The following ALPK1 variants were observed in gnomAD, a reference collection of about 807,000 sequenced individuals.
ALPK1 encodes alpha kinase 1, also known as alpha-protein kinase 1.
In ALPK1, 110 loss-of-function variants were observed where a neutral mutation model predicts 120.6. The ratio of observed to expected loss-of-function variants is 0.91; its 90% CI spans 0.78 to 1.07. ALPK1 has a LOEUF of 1.07. ALPK1 is among the 50% of genes least tolerant of loss of function. The pLI is 0.00. For missense variants in ALPK1, 1,498 were observed against 1,483.9 expected (o/e 1.01, Z -0.16); for synonymous variants, 582 against 560.3 (o/e 1.04, Z -0.55).
At chr4:112,344,650 A>T (rs1257647964) in intron 2 of ALPK1, among the ~76,000 whole-genome samples, 1 of 152,224 alleles carries the variant, frequency 6.6e-6, no homozygotes, top group Non-Finnish European at 1.5e-5. Flanking sequence ...TTTTAAAAGC[A>T]TTCATGGGGT....
intron 4 of ALPK1, among the ~76,000 whole-genome samples, chr4:112,400,734 T>A (rs964174386): frequency 6.6e-6 from 1 of 152,046 alleles, no homozygotes; most frequent in Admixed American, 6.6e-5. Context: ...ATAAAACAGA[T>A]AGGAGAATGT....
At chr4:112,428,998 C>CTTTTT (rs1560684562) in intron 9 of ALPK1, 151 bp from the exon 10 acceptor site, 4 of 706,242 alleles carry the variant, frequency 5.7e-6, no homozygotes, top group Non-Finnish European at 1.0e-5. Context: ...GGTCTTTAGA[C>CTTTTT]CCACTTACTC....
At chr4:112,440,873 T>C (rs575615844) in intron 14 of ALPK1, 44 bp from the exon 15 acceptor site, 26 of 1,557,748 alleles carry the variant, frequency 1.7e-5, no homozygotes, top group Admixed American at 1.3e-4. Flanking sequence ...TTGATGGACA[T>C]TTACAGGGAA....
intron 2 of ALPK1, among the ~76,000 whole-genome samples, chr4:112,372,314 T>C (rs998351170): frequency 6.6e-6 from 1 of 151,778 alleles, no homozygotes; most frequent in African/African-American, 2.4e-5. Flanking sequence ...CCCAGGTTCA[T>C]GCCATTCTCC....
chr4:112,435,960 T>C (rs1734773212), intron 12 of ALPK1, among the ~76,000 whole-genome samples: 1 of 152,266 alleles, frequency 6.6e-6, no homozygotes, highest in Non-Finnish European at 1.5e-5. Context: ...CCTTAGTTCT[T>C]AATAAAAATT....
intron 2 of ALPK1, among the ~76,000 whole-genome samples, chr4:112,351,191 C>T (rs964625421): frequency 2.0e-5 from 3 of 152,028 alleles, no homozygotes; most frequent in African/African-American, 4.8e-5. Context: ...TTCTTCAGGC[C>T]GGGAGGTAAC....
intron 4 of ALPK1, among the ~76,000 whole-genome samples, chr4:112,402,628 G>A (rs188593933): frequency 7.2e-5 from 11 of 152,262 alleles, no homozygotes; most frequent in Admixed American, 6.5e-4. Context: ...GTGTCTATGC[G>A]TGTGTCTGTG....
chr4:112,356,161 G>A lies in ALPK1; in HGVS notation c.-100-21517G>A, dbSNP rs1365061255. The A allele has an allele frequency of 8.7e-6, 14 of 1,607,032 alleles. No homozygotes were observed. The Admixed American group carries it at 1.8e-4, about 21-fold the overall frequency. On this transcript the variant is annotated intron_variant, in intron 2 of 15. Coordinates refer to ENST00000650871, the MANE Select transcript of ALPK1 (RefSeq NM_025144.4). ...TGCCCAAGATAGTCCTGAATGGTGT[G>A]ACCGTAGACTTCCCTTCCCAGCCCT...
At chr4:112,423,862 TCA>T in intron 5 of ALPK1, 80 bp from the exon 6 acceptor site, 1 of 1,339,138 alleles carries the variant, frequency 7.5e-7, no homozygotes. Flanking sequence ...CTGCAATATA[TCA>T]GTCTTAGAAC....
intron 1 of ALPK1, among the ~76,000 whole-genome samples, chr4:112,301,364 T>C (rs979688855): frequency 3.3e-5 from 5 of 152,188 alleles, no homozygotes; most frequent in Non-Finnish European, 5.9e-5. Context: ...ACCTACCCTC[T>C]TCCTTGGGAC....
chr4:112,344,287 C>T (rs575700403), intron 2 of ALPK1, among the ~76,000 whole-genome samples: 3 of 152,310 alleles, frequency 2.0e-5, no homozygotes, highest in Admixed American at 6.5e-5. Context: ...CAGGAGAGCA[C>T]GTTCCAGCCT....
intron 2 of ALPK1, chr4:112,357,915 T>G: frequency 2.9e-6 from 3 of 1,023,530 alleles, no homozygotes; most frequent in Non-Finnish European, 4.6e-6. Flanking sequence ...GCAGCTTCTC[T>G]GAGACCATGG....
In ALPK1 at chr4:112,423,990, C is replaced by A. The variant is rs1281711698; in HGVS notation, c.522C>A (p.Asn174Lys). Residue 174 changes from asparagine (N) to lysine (K), a missense_variant, in exon 6 of 16, where the codon AAC becomes AAA. Coordinates refer to ENST00000650871, the MANE Select transcript of ALPK1 (RefSeq NM_025144.4). The stretch of plus-strand genomic sequence containing the variant: ...ATATTCTGAGCAGTCTAATAAGCAA[C>A]AATGGAGCAACGGGTGAGTACTTTC... Reference protein sequence around the residue: ...AEYILSSLISNNGATGTWLYR... With the variant: ...AEYILSSLISKNGATGTWLYR... The A allele has an allele frequency of 1.2e-6, 2 of 1,613,876 alleles. No individual in the cohort carries two copies. The highest frequency in any genetic ancestry group is 2.7e-5 in the African/African-American group (2 of 75,036).
At chr4:112,323,008 C>T (rs1728928600) in intron 2 of ALPK1, among the ~76,000 whole-genome samples, 1 of 152,204 alleles carries the variant, frequency 6.6e-6, no homozygotes, top group Non-Finnish European at 1.5e-5. Flanking sequence ...CAGCCACAGC[C>T]ACCCCTGAGA....
intron 2 of ALPK1, among the ~76,000 whole-genome samples, chr4:112,371,312 C>T (rs1241653398): frequency 1.3e-5 from 2 of 152,186 alleles, no homozygotes; most frequent in Non-Finnish European, 2.9e-5. Flanking sequence ...CCTGGTCCTC[C>T]TGCTACCAGT....
At chr4:112,407,244 A>G (rs1190153883) in intron 4 of ALPK1, among the ~76,000 whole-genome samples, 1 of 152,226 alleles carries the variant, frequency 6.6e-6, no homozygotes, top group Non-Finnish European at 1.5e-5. Context: ...AACAACATGA[A>G]CATACTTAAC....
chr4:112,400,254 T>C (rs1732847281), intron 4 of ALPK1, among the ~76,000 whole-genome samples: 1 of 152,122 alleles, frequency 6.6e-6, no homozygotes, highest in African/African-American at 2.4e-5. Context: ...AGATATAATG[T>C]AAAGAAGGAT....
rs549067690 is a variant in ALPK1, at chr4:112,331,415, A to G, written c.-101+15563A>G. Among the ~76,000 whole-genome samples, 124 of 152,106 alleles carry G rather than the reference A, an allele frequency of 8.2e-4. 3 individuals carry two copies. The South Asian group carries it at 0.025, about 30-fold the overall frequency. On this transcript the variant is annotated intron_variant, in intron 2 of 15. Coordinates refer to ENST00000650871, the MANE Select transcript of ALPK1 (RefSeq NM_025144.4). ...TAAACCTCCTTGTCATCATCCTTCA[A>G]TCTTCTTCCTTTCAATTTTCTCATC...
In ALPK1 at chr4:112,356,808, G is replaced by C. The variant is rs1165657578; in HGVS notation, c.-100-20870G>C. Reference sequence around the variant, plus strand: ...GCCGACATCGTCTTCATCCCATACAGTTAGTTGTTGGATGCCAAGAGCCGC... The same window carrying C: ...GCCGACATCGTCTTCATCCCATACACTTAGTTGTTGGATGCCAAGAGCCGC... On this transcript the variant is annotated intron_variant, in intron 2 of 15. Transcript: ENST00000650871. 4.1e-6 allele frequency: 3 copies of C among 729,396 alleles called. No homozygotes were observed. In the African/African-American group the frequency reaches 5.2e-5, roughly 13 times the overall value. The allele number at this position is 729,396 out of a possible 1,614,324, so 45.2% of individuals were successfully genotyped here.
Sources: allele counts gnomAD v4.1 joint callset (sites outside exome capture counted in the v4.1 genomes callset), GRCh38; gene constraint gnomAD v4.1.1; transcripts MANE v1.5; gene names NCBI Gene and HGNC (gene_info 2026-07-23, HGNC 2026-07-21).